The following QPCT variants were observed in gnomAD, a reference collection of about 807,000 sequenced individuals.
The protein encoded by QPCT is EC.
QPCT carries 44 observed loss-of-function variants against 43.4 expected under a neutral mutation model. That is an observed-to-expected ratio of 1.01 (90% CI 0.80 to 1.30). QPCT has a LOEUF of 1.30. Among genes scored for constraint, QPCT ranks in the 50% most tolerant of loss-of-function variants. QPCT has a pLI of 0.00. For missense variants in QPCT, 526 were observed against 436.5 expected, an observed-to-expected ratio of 1.21 and a Z score of -1.83; for synonymous variants, 168 against 168.4, an observed-to-expected ratio of 1.00 and a Z score of 0.02.
chr2:37,355,780 T>G (rs528737625), intron 2 of QPCT, among the ~76,000 whole-genome samples: 1 of 152,186 alleles, frequency 6.6e-6, no homozygotes, highest in East Asian at 1.9e-4. Context: ...ATTAAAAAAT[T>G]AGGATGATAA....
At chr2:37,351,285 C>T (rs1672615011) in intron 1 of QPCT, among the ~76,000 whole-genome samples, 1 of 152,156 alleles carries the variant, frequency 6.6e-6, no homozygotes, top group Non-Finnish European at 1.5e-5. Context: ...TCATCCTTCC[C>T]CTTAGGGAAG....
At chr2:37,365,198 G>A (rs563933512) in intron 3 of QPCT, among the ~76,000 whole-genome samples, 314 of 152,138 alleles carry the variant, frequency 2.1e-3, no homozygotes, top group Non-Finnish European at 3.6e-3. Flanking sequence ...GAACCATGGA[G>A]CAAGCCCCTG....
intron 2 of QPCT, among the ~76,000 whole-genome samples, chr2:37,355,608 C>T (rs1672725362): frequency 6.6e-6 from 1 of 152,004 alleles, no homozygotes; most frequent in South Asian, 2.1e-4. Context: ...GAACCCTGTC[C>T]CACATTATGC....
intron 1 of QPCT, among the ~76,000 whole-genome samples, chr2:37,345,080 T>C (rs1254484370): frequency 6.6e-6 from 1 of 152,136 alleles, no homozygotes; most frequent in Non-Finnish European, 1.5e-5. Flanking sequence ...GGCTGGGTGA[T>C]GTCACTGGCC....
intron 5 of QPCT, among the ~76,000 whole-genome samples, chr2:37,370,913 T>A (rs532063400): frequency 2.0e-5 from 3 of 152,338 alleles, no homozygotes; most frequent in Non-Finnish European, 4.4e-5. Flanking sequence ...GGGGGCTGCT[T>A]TGAAGGCAAG....
At chr2:37,351,675 A>C (rs1325261518) in intron 1 of QPCT, among the ~76,000 whole-genome samples, 1 of 152,104 alleles carries the variant, frequency 6.6e-6, no homozygotes, top group Non-Finnish European at 1.5e-5. Flanking sequence ...TGAGGTTGGG[A>C]GTTTGAGACC....
At chr2:37,372,633 T>C in intron 6 of QPCT, 49 bp from the exon 7 acceptor site, 1 of 1,581,140 alleles carries the variant, frequency 6.3e-7, no homozygotes, top group Non-Finnish European at 8.7e-7. Context: ...CTTTCTAGTT[T>C]ACTCACTGGA....
At chr2:37,353,381 G>A (rs1167315637) in intron 2 of QPCT, among the ~76,000 whole-genome samples, 2 of 152,038 alleles carry the variant, frequency 1.3e-5, no homozygotes, top group East Asian at 1.9e-4. Flanking sequence ...TAAGCTAGCC[G>A]CATTTCTCCA....
chr2:37,350,071 C>G (rs1672586120), intron 1 of QPCT, among the ~76,000 whole-genome samples: 1 of 152,098 alleles, frequency 6.6e-6, no homozygotes, highest in South Asian at 2.1e-4. Flanking sequence ...AACAAGTAAA[C>G]ACACAAAGAA....
chr2:37,354,466 T>C (rs999409472), intron 2 of QPCT, among the ~76,000 whole-genome samples: 1 of 152,238 alleles, frequency 6.6e-6, no homozygotes. Flanking sequence ...TATTATTATC[T>C]CAATATTAGG....
At position 37,372,780 on chromosome 2, in the gene QPCT, C is replaced by T; in HGVS notation, c.1039C>T (p.Leu347=). Residue 347 remains leucine (L), a synonymous_variant, in exon 7 of 7, where the codon CTA becomes TTA. Transcript: ENST00000338415. ...ENLDESTIDN[L]NKILQVFVLE... ...TTTGGATGAATCAACCATTGACAAT[C>T]TAAACAAAATCCTACAAGTCTTTGT... The T allele has an allele frequency of 1.2e-6, 2 of 1,612,854 alleles. No individual in the cohort carries two copies. Among genetic ancestry groups the T allele is most frequent in the Non-Finnish European group, 1.7e-6 (2 of 1,179,070 alleles).
intron 2 of QPCT, 150 bp downstream of exon 2, chr2:37,353,085 T>G (rs1479411941): frequency 2.3e-6 from 2 of 887,688 alleles, no homozygotes; most frequent in Admixed American, 5.9e-5. Flanking sequence ...ATCAAATGAC[T>G]GAGAGTACAT....
chr2:37,352,260 G>T (rs2124932895), intron 1 of QPCT, among the ~76,000 whole-genome samples: 1 of 152,176 alleles, frequency 6.6e-6, no homozygotes. Flanking sequence ...CATCTATAAA[G>T]TCTTCCCTGA....
intron 3 of QPCT, among the ~76,000 whole-genome samples, chr2:37,366,348 A>C (rs1450247967): frequency 6.6e-6 from 1 of 152,144 alleles, no homozygotes; most frequent in Non-Finnish European, 1.5e-5. Flanking sequence ...TTTGCTTCTC[A>C]TTCTATCCAA....
At chr2:37,370,957 A>G (rs1330100212) in intron 5 of QPCT, among the ~76,000 whole-genome samples, 1 of 152,188 alleles carries the variant, frequency 6.6e-6, no homozygotes, top group East Asian at 1.9e-4. Flanking sequence ...CTAGCCACAC[A>G]AACTTCTTGG....
In QPCT at chr2:37,373,140, A is replaced by T; in HGVS notation, c.*313A>T. 1 of 191,940 alleles carries T rather than the reference A, an allele frequency of 5.2e-6. No homozygotes were observed. Among genetic ancestry groups the T allele is most frequent in the East Asian group, 1.4e-4 (1 of 7,392 alleles). The allele number at this position is 191,940 out of a possible 1,614,324, so 11.9% of individuals were successfully genotyped here. ...CAAAATCAGGTTCATTCATTCAACG[A>T]TAGTTTCTCAACAGTACTTAAATAG... On this transcript the variant is annotated 3_prime_UTR_variant, in exon 7 of 7. Coordinates refer to ENST00000338415, the MANE Select transcript of QPCT (RefSeq NM_012413.4).
chr2:37,369,656 G>T (rs1673032469), intron 4 of QPCT, 29 bp from the exon 5 acceptor site: 5 of 1,481,976 alleles, frequency 3.4e-6, no homozygotes, highest in Non-Finnish European at 3.8e-6. Flanking sequence ...TTTGGTGATG[G>T]TGATTAAACA....
chr2:37,359,787 G>T lies in QPCT; in HGVS notation c.475G>T (p.Asp159Tyr). Residue 159 changes from aspartate to tyrosine, a missense_variant, in exon 3 of 7, where the codon GAT becomes TAT. Asp to Tyr is a radical substitution (Grantham distance 160, BLOSUM62 -3). Coordinates refer to ENST00000338415, the MANE Select transcript of QPCT (RefSeq NM_012413.4). ...WNNRVFVGAT[D>Y]SAVPCAMMLE... Reference sequence around the variant, plus strand: ...CAACAGAGTGTTTGTAGGAGCCACTGATTCAGCCGTGCCATGTGCAATGAT... The same window carrying T: ...CAACAGAGTGTTTGTAGGAGCCACTTATTCAGCCGTGCCATGTGCAATGAT... The T allele has an allele frequency of 1.9e-6, 3 of 1,614,214 alleles. No homozygotes were observed. Among genetic ancestry groups the T allele is most frequent in the Non-Finnish European group, 2.5e-6 (3 of 1,180,026 alleles).
intron 1 of QPCT, among the ~76,000 whole-genome samples, chr2:37,346,694 A>G (rs1033860158): frequency 2.0e-5 from 3 of 152,190 alleles, no homozygotes; most frequent in Admixed American, 2.0e-4. Flanking sequence ...TCAAATCATT[A>G]AAAGCAAATG....
Sources: gnomAD v4.1 joint callset for allele counts (sites outside exome capture counted in the v4.1 genomes callset) on GRCh38, gnomAD v4.1.1 for gene constraint, MANE v1.5 for transcripts, NCBI Gene and HGNC (gene_info 2026-07-23, HGNC 2026-07-21) for gene names.